The following LRRC49 variants were observed in gnomAD, a reference collection of about 807,000 sequenced individuals.
The protein encoded by LRRC49 is leucine rich repeat containing 49.
In LRRC49, 50 loss-of-function variants were observed where a neutral mutation model predicts 83.3. The observed-to-expected ratio is 0.60, with a 90% CI of 0.48 to 0.76. The LOEUF is 0.76. LRRC49 is among the 30% of genes least tolerant of loss of function. The pLI is 0.00. For synonymous variants in LRRC49, 286 were observed against 283.3 expected (o/e 1.01, Z -0.10); for missense variants, 704 against 809.1 (o/e 0.87, Z 1.58).
At chr15:70,898,580 C>T in intron 3 of LRRC49, 1 of 517,790 alleles carries the variant, frequency 1.9e-6, no homozygotes. Flanking sequence ...TTCAAGACCC[C>T]ATCTTGAACA....
intron 15 of LRRC49, among the ~76,000 whole-genome samples, chr15:71,047,838 A>C (rs1360952366): frequency 6.6e-6 from 1 of 152,020 alleles, no homozygotes; most frequent in Non-Finnish European, 1.5e-5. Flanking sequence ...GTGCAGTGGC[A>C]CGACCTCAGC....
intron 9 of LRRC49, among the ~76,000 whole-genome samples, chr15:70,967,010 C>G (rs1351545721): frequency 6.6e-6 from 1 of 151,984 alleles, no homozygotes. Flanking sequence ...CAAAGCAATC[C>G]CAAGTCTACC....
chr15:71,047,028 A>G lies in LRRC49; in HGVS notation c.1858-2381A>G, dbSNP rs185557999. ...GTGCAGCTTTATTTCTGAGTTTTCT[A>G]TTCTGTTCCATTGGTCGATGTATCT... On this transcript the variant is annotated intron_variant, in intron 15 of 15. Coordinates refer to ENST00000260382, the MANE Select transcript of LRRC49 (RefSeq NM_017691.5). Among the ~76,000 whole-genome samples, 32 of 152,238 alleles carry G rather than the reference A, an allele frequency of 2.1e-4. No homozygotes were observed. The East Asian group carries it at 2.3e-3, about 11-fold the overall frequency.
intron 2 of LRRC49, chr15:70,873,238 T>A (rs1226800417): frequency 1.3e-6 from 2 of 1,535,864 alleles, no homozygotes; most frequent in Admixed American, 3.9e-5. Flanking sequence ...GTCTACACTT[T>A]CAGTTGACAT....
chr15:70,958,875 A>T (rs2036494785), intron 8 of LRRC49, among the ~76,000 whole-genome samples: 1 of 152,218 alleles, frequency 6.6e-6, no homozygotes, highest in Non-Finnish European at 1.5e-5. Flanking sequence ...AAAACATAGA[A>T]GAAATATTTA....
chr15:70,981,891 CTTT>C (rs11339326), intron 10 of LRRC49, among the ~76,000 whole-genome samples: 8 of 112,068 alleles, frequency 7.1e-5, no homozygotes, highest in Admixed American at 1.9e-4. Flanking sequence ...TTTGCTTCTT[CTTT>C]TTTTTTTTTT....
At chr15:70,882,592 T>C in intron 2 of LRRC49, 1 of 1,614,064 alleles carries the variant, frequency 6.2e-7, no homozygotes, top group Non-Finnish European at 8.5e-7. Context: ...ACAATTCCTC[T>C]GTCTGAGTAG....
intron 10 of LRRC49, 39 bp downstream of exon 10, chr15:70,980,223 G>A (rs550099484): frequency 1.5e-5 from 21 of 1,433,424 alleles, no homozygotes; most frequent in South Asian, 2.5e-5. Context: ...GTGTGCACAC[G>A]TAGACACACA....
At chr15:71,029,589 C>G (rs2039284350) in intron 14 of LRRC49, among the ~76,000 whole-genome samples, 1 of 152,062 alleles carries the variant, frequency 6.6e-6, no homozygotes, top group African/African-American at 2.4e-5. Context: ...AATTTTGTGT[C>G]TTGTTGATCT....
chr15:70,998,038 G>A (rs1345533391), intron 11 of LRRC49, among the ~76,000 whole-genome samples: 1 of 152,056 alleles, frequency 6.6e-6, no homozygotes, highest in African/African-American at 2.4e-5. Context: ...AATTTAGCTA[G>A]TTAGAATTAA....
At chr15:70,940,411 C>T (rs1393202387) in intron 8 of LRRC49, among the ~76,000 whole-genome samples, 2 of 152,148 alleles carry the variant, frequency 1.3e-5, no homozygotes. Flanking sequence ...CGCCCGCCAC[C>T]ATGCCCGGCT....
intron 11 of LRRC49, among the ~76,000 whole-genome samples, chr15:70,992,551 G>A (rs2037922687): frequency 6.6e-6 from 1 of 152,200 alleles, no homozygotes; most frequent in Non-Finnish European, 1.5e-5. Flanking sequence ...CTGTAGGTCT[G>A]TTGGAGTTTG....
chr15:71,014,582 A>G (rs989673357), intron 14 of LRRC49, among the ~76,000 whole-genome samples: 4 of 152,164 alleles, frequency 2.6e-5, no homozygotes, highest in African/African-American at 9.6e-5. Context: ...TAAAGGCTTA[A>G]AAGAAAGGGA....
chr15:70,868,427 T>G (rs1268345906), intron 1 of LRRC49, among the ~76,000 whole-genome samples: 1 of 152,182 alleles, frequency 6.6e-6, no homozygotes, highest in Non-Finnish European at 1.5e-5. Context: ...TTATAAATGG[T>G]CAGGGCCAAG....
intron 3 of LRRC49, among the ~76,000 whole-genome samples, chr15:70,899,177 C>T (rs897195557): frequency 6.6e-6 from 1 of 152,160 alleles, no homozygotes; most frequent in Non-Finnish European, 1.5e-5. Flanking sequence ...CTCTGTATCT[C>T]AAGTCTTGTA....
At chr15:70,873,813 GA>G (rs1002741520) in intron 2 of LRRC49, among the ~76,000 whole-genome samples, 1 of 152,184 alleles carries the variant, frequency 6.6e-6, no homozygotes, top group African/African-American at 2.4e-5. Flanking sequence ...TCCTATTGGT[GA>G]AAGTAAGTCA....
intron 9 of LRRC49, among the ~76,000 whole-genome samples, chr15:70,972,608 C>G (rs891796661): frequency 4.6e-5 from 7 of 152,178 alleles, no homozygotes; most frequent in Non-Finnish European, 8.8e-5. Flanking sequence ...CTCCCCGTCA[C>G]TTTCAGGTAC....
chr15:71,012,710 A>G, intron 13 of LRRC49, 94 bp from the exon 14 acceptor site: 3 of 697,174 alleles, frequency 4.3e-6, no homozygotes, highest in Non-Finnish European at 7.6e-6. Context: ...TTAAAAGATA[A>G]TATTTAATTT....
At chr15:70,924,845 A>AT (rs1293429838) in intron 7 of LRRC49, among the ~76,000 whole-genome samples, 1 of 151,770 alleles carries the variant, frequency 6.6e-6, no homozygotes, top group African/African-American at 2.4e-5. Context: ...ACTGACAGTT[A>AT]TTTTTTTCCC....
Sources: gnomAD v4.1 joint callset for allele counts (sites outside exome capture counted in the v4.1 genomes callset) on GRCh38, gnomAD v4.1.1 for gene constraint, MANE v1.5 for transcripts, NCBI Gene and HGNC (gene_info 2026-07-23, HGNC 2026-07-21) for gene names.